GABRG3: variants seen among roughly 807,000 people sequenced by gnomAD.
GABRG3 encodes the protein gamma-aminobutyric acid receptor subunit gamma-3.
GABRG3 carries 25 observed loss-of-function variants against 48.8 expected under a neutral mutation model. The ratio of observed to expected loss-of-function variants is 0.51; its 90% CI spans 0.37 to 0.72. The LOEUF is 0.72. Among genes scored for constraint, GABRG3 ranks in the 30% least tolerant of loss-of-function variants. The probability of loss-of-function intolerance (pLI) is 0.00; values close to 1 mark genes in which losing one functional copy is unlikely to be tolerated. For missense variants in GABRG3, 394 were observed against 577.9 expected, an observed-to-expected ratio of 0.68 and a Z score of 3.26; for synonymous variants, 227 against 217.6, an observed-to-expected ratio of 1.04 and a Z score of -0.38.
intron 3 of GABRG3, among the ~76,000 whole-genome samples, chr15:27,182,209 C>A (rs1174271989): frequency 2.0e-5 from 3 of 152,062 alleles, no homozygotes; most frequent in Non-Finnish European, 4.4e-5. Context: ...CTGCAGCTGA[C>A]CTTTAGGCCA....
intron 3 of GABRG3, among the ~76,000 whole-genome samples, chr15:27,196,663 T>C (rs1055929487): frequency 6.6e-6 from 1 of 152,232 alleles, no homozygotes; most frequent in Non-Finnish European, 1.5e-5. Context: ...CTGTGTTATG[T>C]CCTAATAGAC....
rs1889951899 is a variant in GABRG3, at chr15:27,236,071, G to A, written c.271-90738G>A. ...CTTATATGAGAGAGACATATTTTGG[G>A]GTAGCATATTCTGGTCTCCTAGTTA... On this transcript the variant is annotated intron_variant, in intron 3 of 9. Transcript: ENST00000615808. The surrounding 1 kb of genome is among the most constrained non-coding windows in gnomAD (Gnocchi z 4.4). 6.6e-6 allele frequency among the ~76,000 whole-genome samples: 1 copy of A among 152,146 alleles called. No homozygotes were observed. Among genetic ancestry groups the A allele is most frequent in the African/African-American group, 2.4e-5 (1 of 41,442 alleles).
chr15:27,079,700 A>G (rs1896961256), intron 3 of GABRG3, among the ~76,000 whole-genome samples: 1 of 152,206 alleles, frequency 6.6e-6, no homozygotes, highest in South Asian at 2.1e-4. Context: ...AATTAAAAAA[A>G]TAATAACATT....
intron 3 of GABRG3, among the ~76,000 whole-genome samples, chr15:27,182,270 G>A (rs1262902294): frequency 6.6e-6 from 1 of 152,108 alleles, no homozygotes; most frequent in Non-Finnish European, 1.5e-5. Flanking sequence ...GGGGTGGCTG[G>A]GACCTATGTA....
At chr15:26,990,449 G>T (rs1445883010) in intron 2 of GABRG3, among the ~76,000 whole-genome samples, 1 of 151,994 alleles carries the variant, frequency 6.6e-6, no homozygotes, top group Non-Finnish European at 1.5e-5. Context: ...AGAATCTTTT[G>T]CCCATTTAAA....
At chr15:26,992,503 T>C (rs946643800) in intron 2 of GABRG3, among the ~76,000 whole-genome samples, 4 of 152,178 alleles carry the variant, frequency 2.6e-5, no homozygotes, top group African/African-American at 9.6e-5. Context: ...TCCTTTGTTC[T>C]GTCGATATAT....
At chr15:27,126,929 T>G (rs1897831795) in intron 3 of GABRG3, among the ~76,000 whole-genome samples, 1 of 152,130 alleles carries the variant, frequency 6.6e-6, no homozygotes, top group African/African-American at 2.4e-5. Flanking sequence ...GCATTCGGCC[T>G]CAGGGGCAAT....
In GABRG3 at chr15:27,270,095, T is replaced by C. The variant is rs184926016; in HGVS notation, c.271-56714T>C. On this transcript the variant is annotated intron_variant, in intron 3 of 9. Transcript: ENST00000615808. ...AGGGAAGTCAGGAATAGATAATGAG[T>C]GTTCTAGATAGAATCCAAAATAGCA... is the stretch of plus-strand genomic sequence containing the variant. 2.6e-5 allele frequency among the ~76,000 whole-genome samples: 4 copies of C among 152,240 alleles called. No individual in the cohort carries two copies. The East Asian group carries it at 7.7e-4, about 29-fold the overall frequency.
intron 3 of GABRG3, among the ~76,000 whole-genome samples, chr15:27,142,890 G>T (rs1031010172): frequency 6.6e-6 from 1 of 151,880 alleles, no homozygotes; most frequent in African/African-American, 2.4e-5. Context: ...TAGCTGGGGG[G>T]ACTACAGGCG....
At chr15:27,258,493 A>T (rs563539700) in intron 3 of GABRG3, among the ~76,000 whole-genome samples, 15 of 152,140 alleles carry the variant, frequency 9.9e-5, no homozygotes, top group Non-Finnish European at 2.9e-5. Flanking sequence ...CGTGGGGCAC[A>T]CACTGCACCC....
In GABRG3 at chr15:27,021,662, G is replaced by A. The variant is rs559814654; in HGVS notation, c.203-5092G>A. On this transcript the variant is annotated intron_variant, in intron 2 of 9. Transcript: ENST00000615808. ...TCAAGACCAGCCTGGGCAACATAGC[G>A]AGACTCTATTTCTACAAAAAAAATT... Among the ~76,000 whole-genome samples, 26 of 152,128 alleles carry A rather than the reference G, an allele frequency of 1.7e-4. 1 individual carries two copies. In the South Asian group the frequency reaches 2.1e-3, roughly 12 times the overall value.
chr15:27,197,318 G>T (rs374812104), intron 3 of GABRG3, among the ~76,000 whole-genome samples: 1 of 152,058 alleles, frequency 6.6e-6, no homozygotes, highest in African/African-American at 2.4e-5. Flanking sequence ...TTAGCTACCC[G>T]CTTCTGCCCC....
chr15:27,213,380 A>T (rs1470883662), intron 3 of GABRG3, among the ~76,000 whole-genome samples: 1 of 152,256 alleles, frequency 6.6e-6, no homozygotes, highest in Non-Finnish European at 1.5e-5. Flanking sequence ...GTAAGTGTTC[A>T]GATGAAATGA....
chr15:27,224,020 G>A (rs1476448600), intron 3 of GABRG3, among the ~76,000 whole-genome samples: 1 of 152,188 alleles, frequency 6.6e-6, no homozygotes, highest in African/African-American at 2.4e-5. Flanking sequence ...ATGCAGGTGA[G>A]AAGCCTGGCA....
intron 3 of GABRG3, among the ~76,000 whole-genome samples, chr15:27,308,376 T>TATATAAACATACG (rs1892811987): frequency 7.2e-6 from 1 of 138,832 alleles, no homozygotes; most frequent in African/African-American, 2.7e-5. Flanking sequence ...CATATAAACA[T>TATATAAACATACG]TTGTTTATAT....
chr15:27,391,350 C>A (rs535109609), intron 5 of GABRG3, among the ~76,000 whole-genome samples: 4 of 152,024 alleles, frequency 2.6e-5, no homozygotes, highest in Non-Finnish European at 5.9e-5. Flanking sequence ...GGAGACAGAT[C>A]CCAAAGTGCA....
intron 5 of GABRG3, among the ~76,000 whole-genome samples, chr15:27,403,938 A>ACC (rs1566826013): frequency 7.2e-6 from 1 of 138,360 alleles, no homozygotes; most frequent in South Asian, 2.3e-4. Context: ...ACAAAAAAAA[A>ACC]AAACCGGGCT....
At position 27,351,848 on chromosome 15, in the gene GABRG3, A is replaced by T. The variant is rs149009071; in HGVS notation, c.574+22960A>T. ...ATGTGTGTATAGTGTGTGTGTTTGT[A>T]TGGTGTGTTTGTGTATGGTGTGTGC... is the stretch of plus-strand genomic sequence containing the variant. On this transcript the variant is annotated intron_variant, in intron 5 of 9. Transcript: ENST00000615808. Among the ~76,000 whole-genome samples the T allele has an allele frequency of 2.6e-3, 342 of 133,000 alleles. 1 individual carries two copies. The highest frequency in any genetic ancestry group is 9.3e-3 in the African/African-American group (322 of 34,748). The allele number at this position is 133,000 out of a possible 152,430, so 87.3% of individuals were successfully genotyped here.
At position 27,538,256 on chromosome 15, in the gene GABRG3, C is replaced by T. The variant is rs966816299; in HGVS notation, c.*5375C>T. 2.0e-5 allele frequency: 3 copies of T among 152,264 alleles called. 1 individual carries two copies. The highest frequency in any genetic ancestry group is 2.1e-4 in the South Asian group (1 of 4,822). 9.4% of individuals were successfully genotyped at this position (152,264 alleles called of 1,614,324 possible). On this transcript the variant is annotated 3_prime_UTR_variant, in exon 10 of 10. Coordinates refer to ENST00000615808, the MANE Select transcript of GABRG3 (RefSeq NM_033223.5). Reference sequence around the variant, plus strand: ...TTACTTATAAAAGCCAAATTTTAGGCGAACTTAAATAAATCAGTGCTGAAA... The same window carrying T: ...TTACTTATAAAAGCCAAATTTTAGGTGAACTTAAATAAATCAGTGCTGAAA...
Sources: allele counts gnomAD v4.1 joint callset (sites outside exome capture counted in the v4.1 genomes callset), GRCh38; gene constraint gnomAD v4.1.1; non-coding constraint Gnocchi (gnomAD v3.1); transcripts MANE v1.5; gene names NCBI Gene and HGNC (gene_info 2026-07-23, HGNC 2026-07-21).